The following RAB27A variants were observed in gnomAD, a reference collection of about 807,000 sequenced individuals.
The protein encoded by RAB27A is RAB27A, member RAS oncogene family, also known as ras-related protein Rab-27A.
Under a neutral mutation model 20.8 loss-of-function variants are expected in RAB27A, and 17 were observed. The ratio of observed to expected loss-of-function variants is 0.82; its 90% CI spans 0.56 to 1.23. RAB27A has a LOEUF of 1.23. Ranked by LOEUF, RAB27A falls within the 50% of genes most tolerant of loss-of-function variation. RAB27A has a pLI of 0.00. For missense variants in RAB27A, 277 were observed against 266.7 expected (o/e 1.04, Z -0.27); for synonymous variants, 85 against 92.8 (o/e 0.92, Z 0.48).
chr15:55,276,239 G>A (rs1237626839), intron 1 of RAB27A, among the ~76,000 whole-genome samples: 1 of 152,010 alleles, frequency 6.6e-6, no homozygotes, highest in African/African-American at 2.4e-5. Flanking sequence ...ATGAATGAAT[G>A]AAGAAAATGT....
At position 55,209,866 on chromosome 15, in the gene RAB27A, A is replaced by G. The variant is rs1450146407; in HGVS notation, c.468-4161T>C. ...TACACATATATGTGTGTATATACAT[A>G]TATACATATATGTGTGTGTATACAT... On this transcript the variant is annotated intron_variant, in intron 6 of 6. Coordinates refer to ENST00000336787, the MANE Select transcript of RAB27A (RefSeq NM_183235.3). Among the ~76,000 whole-genome samples, 4 of 14,724 alleles carry G rather than the reference A, an allele frequency of 2.7e-4. 1 individual carries two copies. The highest frequency in any genetic ancestry group is 7.1e-3 in the East Asian group (1 of 140). The allele number at this position is 14,724 out of a possible 152,430, so 9.7% of individuals were successfully genotyped here.
At chr15:55,235,623 T>A (rs1339757115) in intron 2 of RAB27A, among the ~76,000 whole-genome samples, 5 of 152,072 alleles carry the variant, frequency 3.3e-5, no homozygotes, top group Non-Finnish European at 7.4e-5. Flanking sequence ...GGAAAGAGAA[T>A]GTTATAAGGA....
At chr15:55,270,972 C>T (rs1246167860) in intron 1 of RAB27A, 1 of 152,288 alleles carries the variant, frequency 6.6e-6, no homozygotes, top group African/African-American at 2.4e-5. Flanking sequence ...TCCTCCCTCT[C>T]TGCCCCTCCC....
chr15:55,258,652 A>G (rs149785667), intron 2 of RAB27A, among the ~76,000 whole-genome samples: 6 of 152,222 alleles, frequency 3.9e-5, no homozygotes, highest in Non-Finnish European at 8.8e-5. Flanking sequence ...TCCCAACTTC[A>G]TATCTTCACC....
intron 1 of RAB27A, among the ~76,000 whole-genome samples, chr15:55,273,945 C>T (rs567201317): frequency 1.3e-5 from 2 of 152,280 alleles, no homozygotes; most frequent in East Asian, 1.9e-4. Flanking sequence ...GGAGAATATA[C>T]ATTCTTCTCA....
At chr15:55,250,097 C>T (rs886151098) in intron 2 of RAB27A, among the ~76,000 whole-genome samples, 4 of 151,872 alleles carry the variant, frequency 2.6e-5, no homozygotes, top group Admixed American at 6.6e-5. Context: ...CTAGTGGCTG[C>T]GACTAAAGGC....
chr15:55,216,579 G>A (rs1895316199), intron 6 of RAB27A, among the ~76,000 whole-genome samples: 1 of 151,854 alleles, frequency 6.6e-6, no homozygotes, highest in African/African-American at 2.4e-5. Context: ...AAAAAGCAAT[G>A]TCACTAGCAA....
chr15:55,310,938 A>G (rs947801575), intron 2 of RAB27A, among the ~76,000 whole-genome samples: 2 of 152,198 alleles, frequency 1.3e-5, no homozygotes, highest in African/African-American at 4.8e-5. Context: ...TACAGTGGAC[A>G]TCATTGCCAA....
At chr15:55,304,122 A>C (rs2054987661) in intron 2 of RAB27A, among the ~76,000 whole-genome samples, 2 of 152,256 alleles carry the variant, frequency 1.3e-5, no homozygotes, top group African/African-American at 4.8e-5. Context: ...GCACTAAGAA[A>C]GGTTCCTCTG....
chr15:55,233,317 G>C (rs1595698316), intron 3 of RAB27A, among the ~76,000 whole-genome samples: 1 of 152,016 alleles, frequency 6.6e-6, no homozygotes, highest in African/African-American at 2.4e-5. Context: ...AAATTAGATT[G>C]TGAAAAATTA....
chr15:55,307,409 T>G (rs1250879569), intron 2 of RAB27A, among the ~76,000 whole-genome samples: 1 of 152,032 alleles, frequency 6.6e-6, no homozygotes, highest in African/African-American at 2.4e-5. Flanking sequence ...GTGGGTTTCC[T>G]GGGTTAGCTT....
intron 6 of RAB27A, among the ~76,000 whole-genome samples, chr15:55,211,219 G>C (rs1256540249): frequency 6.6e-6 from 1 of 152,022 alleles, no homozygotes; most frequent in African/African-American, 2.4e-5. Flanking sequence ...TTTTTCCTCA[G>C]GATTTTGTCA....
intron 3 of RAB27A, among the ~76,000 whole-genome samples, chr15:55,234,543 T>C (rs979901943): frequency 2.0e-5 from 3 of 152,044 alleles, no homozygotes; most frequent in Non-Finnish European, 4.4e-5. Context: ...GCCAAAAGAG[T>C]ACCAAGGTGA....
intron 6 of RAB27A, among the ~76,000 whole-genome samples, chr15:55,219,025 A>G (rs149716528): frequency 0.031 from 4,735 of 152,068 alleles, 92 homozygotes; most frequent in Non-Finnish European, 0.041. Flanking sequence ...TACAGGCATG[A>G]GCCACCATGC....
chr15:55,245,989 C>T (rs1896669926), intron 2 of RAB27A, among the ~76,000 whole-genome samples: 1 of 151,966 alleles, frequency 6.6e-6, no homozygotes, highest in African/African-American at 2.4e-5. Context: ...GAGGGTGAGG[C>T]AGGAGAATTA....
chr15:55,205,368 C>A lies in RAB27A; in HGVS notation c.*139G>T. On this transcript the variant is annotated 3_prime_UTR_variant, in exon 7 of 7. Transcript: ENST00000336787. ...AACAAATTAATTTTAGAACCGGATG[C>A]TTTATTCGTAGGTCTAATGGGGATG... 2.4e-6 allele frequency: 2 copies of A among 836,008 alleles called. No homozygotes were observed. The highest frequency in any genetic ancestry group is 7.0e-4 in the Middle Eastern group (2 of 2,862). The allele number at this position is 836,008 out of a possible 1,614,324, so 51.8% of individuals were successfully genotyped here.
chr15:55,317,909 T>C (rs2055064707), intron 1 of RAB27A: 4 of 387,950 alleles, frequency 1.0e-5, no homozygotes, highest in Non-Finnish European at 1.8e-5. Flanking sequence ...CTTAGTACAA[T>C]GTCCTTTTAA....
chr15:55,233,868 A>C (rs1045061679), intron 3 of RAB27A, among the ~76,000 whole-genome samples: 5 of 152,210 alleles, frequency 3.3e-5, no homozygotes, highest in Non-Finnish European at 7.3e-5. Flanking sequence ...AAAAATAATC[A>C]CATACATATA....
chr15:55,262,320 T>C (rs909500565), intron 2 of RAB27A, among the ~76,000 whole-genome samples: 10 of 151,994 alleles, frequency 6.6e-5, no homozygotes, highest in African/African-American at 2.4e-4. Flanking sequence ...GGTGGGCGAA[T>C]CACAATGTCA....
Sources: allele counts gnomAD v4.1 joint callset (sites outside exome capture counted in the v4.1 genomes callset), GRCh38; gene constraint gnomAD v4.1.1; transcripts MANE v1.5; gene names NCBI Gene and HGNC (gene_info 2026-07-23, HGNC 2026-07-21).